Variants in ATP11A observed in about 807,000 individuals in gnomAD.
The protein encoded by ATP11A is phospholipid-transporting ATPase IH.
In ATP11A, 81 loss-of-function variants were observed where a neutral mutation model predicts 154.4. That is an observed-to-expected ratio of 0.52 (90% CI 0.44 to 0.63). The LOEUF is 0.63. Among genes scored for constraint, ATP11A ranks in the 30% least tolerant of loss-of-function variants. The pLI is 0.00. For missense variants in ATP11A, 1,316 were observed against 1,474.3 expected, an observed-to-expected ratio of 0.89 and a Z score of 1.76; for synonymous variants, 623 against 585.9, an observed-to-expected ratio of 1.06 and a Z score of -0.91.
Position 112,701,275 on chromosome 13 carries a change from G to A in ATP11A, c.39+10820G>A, listed in dbSNP as rs778247589. Among the ~76,000 whole-genome samples the A allele has an allele frequency of 9.2e-5, 14 of 152,296 alleles. No individual in the cohort carries two copies. In the East Asian group the frequency reaches 9.6e-4, roughly 10 times the overall value. On this transcript the variant is annotated intron_variant, in intron 1 of 29. Coordinates refer to ENST00000375645, the MANE Select transcript of ATP11A (RefSeq NM_015205.3). The stretch of plus-strand genomic sequence containing the variant: ...CAAGTGTGTTAAGTATTGTTGCTGC[G>A]TGCTTATCAGTTAGGCTCAGGCACA...
intron 1 of ATP11A, among the ~76,000 whole-genome samples, chr13:112,749,873 G>A (rs1248097034): frequency 1.5e-5 from 2 of 134,120 alleles, no homozygotes; most frequent in African/African-American, 5.8e-5. Flanking sequence ...GTGGGGACAC[G>A]CCTGCTGAAG....
intron 1 of ATP11A, among the ~76,000 whole-genome samples, chr13:112,739,980 C>T (rs1213255173): frequency 6.6e-6 from 1 of 150,488 alleles, no homozygotes; most frequent in Non-Finnish European, 1.5e-5. Flanking sequence ...GGGGAGGGGG[C>T]GTGGGAGCGA....
chr13:112,862,028 C>T (rs767472573), intron 24 of ATP11A, among the ~76,000 whole-genome samples: 52 of 94,464 alleles, frequency 5.5e-4, no homozygotes, highest in Admixed American at 1.1e-3. Flanking sequence ...TAAGGCGTCA[C>T]GTCAGGCGTA....
intron 17 of ATP11A, among the ~76,000 whole-genome samples, chr13:112,847,515 C>T (rs1566567136): frequency 6.6e-6 from 1 of 152,228 alleles, no homozygotes; most frequent in Admixed American, 6.5e-5. Flanking sequence ...GGTGAAGACT[C>T]TCCTCTCCCA....
intron 11 of ATP11A, 26 bp from the exon 12 acceptor site, chr13:112,826,668 C>G: frequency 1.9e-6 from 3 of 1,610,026 alleles, no homozygotes; most frequent in Non-Finnish European, 2.5e-6. Flanking sequence ...GGTGGAGGTG[C>G]TGACCCGCAC....
chr13:112,832,729 C>T (rs2297223), intron 13 of ATP11A, 131 bp from the exon 14 acceptor site: 288,415 of 984,468 alleles, frequency 0.29, 45,300 homozygotes, highest in African/African-American at 0.52. Flanking sequence ...AACCCCTCAC[C>T]GCCCACAAGC....
intron 16 of ATP11A, among the ~76,000 whole-genome samples, chr13:112,836,962 G>A (rs1217304667): frequency 1.3e-5 from 2 of 152,206 alleles, no homozygotes; most frequent in Non-Finnish European, 2.9e-5. Context: ...CAGGCACTTT[G>A]CATCCCCCAA....
At position 112,716,923 on chromosome 13, in the gene ATP11A, G is replaced by T. The variant is rs370531102; in HGVS notation, c.39+26468G>T. On this transcript the variant is annotated intron_variant, in intron 1 of 29. Coordinates refer to ENST00000375645, the MANE Select transcript of ATP11A (RefSeq NM_015205.3). ...AGTACTGGATCAGGTGGACATCCGGGAGCTGGAGGCCCGTGCACTTTCCCT... is the reference window on the plus strand; with the variant it reads ...AGTACTGGATCAGGTGGACATCCGGTAGCTGGAGGCCCGTGCACTTTCCCT... Among the ~76,000 whole-genome samples the T allele has an allele frequency of 4.6e-4, 15 of 32,950 alleles. No homozygotes were observed. The East Asian group carries it at 0.013, about 29-fold the overall frequency. The allele number at this position is 32,950 out of a possible 152,430, so 21.6% of individuals were successfully genotyped here. A position where few individuals can be genotyped will look rare whatever the true frequency, so the allele number is the denominator to read the frequency against.
intron 1 of ATP11A, among the ~76,000 whole-genome samples, chr13:112,758,460 G>C (rs1245825469): frequency 7.1e-6 from 1 of 141,318 alleles, no homozygotes; most frequent in East Asian, 2.1e-4. Flanking sequence ...GTCTCTCTCT[G>C]TCGCCCAGGC....
At chr13:112,700,801 C>G (rs1380033333) in intron 1 of ATP11A, among the ~76,000 whole-genome samples, 1 of 152,228 alleles carries the variant, frequency 6.6e-6, no homozygotes, top group Admixed American at 6.5e-5. Flanking sequence ...TGCTTGTCAC[C>G]CGCCTCGCCC....
intron 1 of ATP11A, among the ~76,000 whole-genome samples, chr13:112,769,090 C>T (rs574115569): frequency 2.6e-5 from 4 of 152,170 alleles, no homozygotes; most frequent in Non-Finnish European, 4.4e-5. Context: ...GTTTGCAAGT[C>T]GGGAGACGGG....
chr13:112,751,101 G>A (rs961791763), intron 1 of ATP11A, among the ~76,000 whole-genome samples: 2 of 152,204 alleles, frequency 1.3e-5, no homozygotes, highest in Non-Finnish European at 2.9e-5. Context: ...CTGTGGGACC[G>A]CCCTTTTCTC....
chr13:112,787,304 G>A, intron 2 of ATP11A, among the ~76,000 whole-genome samples: 1 of 125,494 alleles, frequency 8.0e-6, no homozygotes, highest in Non-Finnish European at 1.6e-5. Context: ...CACACCGGGT[G>A]TCCTGATGTG....
Position 112,690,335 on chromosome 13 carries a change from G to C in ATP11A, c.-82G>C. 1.8e-6 allele frequency: 2 copies of C among 1,096,064 alleles called. No homozygotes were observed. The highest frequency in any genetic ancestry group is 2.3e-6 in the Non-Finnish European group (2 of 876,372). 67.9% of individuals were successfully genotyped at this position (1,096,064 alleles called of 1,614,324 possible). A position where few individuals can be genotyped will look rare whatever the true frequency, so the allele number is the denominator to read the frequency against. On this transcript the variant is annotated 5_prime_UTR_variant, in exon 1 of 30. Transcript: ENST00000375645. This position sits in a 1 kb window ranked among gnomAD's most constrained non-coding sequence, Gnocchi z 5.6. ...CGTGACCGGAGCGGGGGGCGCGGCC[G>C]CACTAGTACCCCGGAGCCCATGGGC...
chr13:112,740,629 G>A (rs763513749), intron 1 of ATP11A, among the ~76,000 whole-genome samples: 2 of 152,200 alleles, frequency 1.3e-5, no homozygotes, highest in Admixed American at 6.5e-5. Context: ...AGACCTGCAC[G>A]GAGAAGAGAG....
chr13:112,862,378 C>G, intron 24 of ATP11A, 62 bp from the exon 25 acceptor site: 9 of 1,601,924 alleles, frequency 5.6e-6, no homozygotes, highest in South Asian at 2.2e-5. Context: ...ACCCCAGAGC[C>G]TGGGGGAGGT....
intron 1 of ATP11A, among the ~76,000 whole-genome samples, chr13:112,777,262 A>G (rs998445477): frequency 2.0e-5 from 3 of 152,166 alleles, no homozygotes; most frequent in Admixed American, 1.3e-4. Flanking sequence ...TGTCAAAACT[A>G]TCTTTAAAAA....
At chr13:112,880,856 C>T in intron 29 of ATP11A, 1 of 1,067,536 alleles carries the variant, frequency 9.4e-7, no homozygotes, top group Non-Finnish European at 1.1e-6. Context: ...GCTGTGCACA[C>T]ACACGTGTGC....
At chr13:112,808,212 C>T (rs966666911) in intron 4 of ATP11A, among the ~76,000 whole-genome samples, 1 of 152,062 alleles carries the variant, frequency 6.6e-6, no homozygotes, top group African/African-American at 2.4e-5. Context: ...TGTGTCCCCT[C>T]CCATCGGCCT....
Sources: gnomAD v4.1 joint callset for allele counts (sites outside exome capture counted in the v4.1 genomes callset) on GRCh38, gnomAD v4.1.1 for gene constraint, Gnocchi (gnomAD v3.1) non-coding constraint, MANE v1.5 for transcripts, NCBI Gene and HGNC (gene_info 2026-07-23, HGNC 2026-07-21) for gene names.